ANK3: variants seen among roughly 807,000 people sequenced by gnomAD.
ANK3 encodes ankyrin 3.
In ANK3, 57 loss-of-function variants were observed where a neutral mutation model predicts 370.9. The observed-to-expected ratio is 0.15, with a 90% CI of 0.12 to 0.19. The LOEUF (loss-of-function observed/expected upper bound fraction) is 0.19. Among genes scored for constraint, ANK3 ranks in the 10% least tolerant of loss-of-function variants. The pLI is 1.00. For synonymous variants in ANK3, 1,929 were observed against 1,946.3 expected, an observed-to-expected ratio of 0.99 and a Z score of 0.23; for missense variants, 4,439 against 5,302.1, an observed-to-expected ratio of 0.84 and a Z score of 5.06.
upstream of ANK3, among the ~76,000 whole-genome samples, chr10:60,392,207 C>T (rs1204106670): frequency 6.6e-6 from 1 of 152,136 alleles, no homozygotes; most frequent in East Asian, 1.9e-4. Flanking sequence ...AGTTTCCCCC[C>T]AAAACTGAAT....
intron 2 of ANK3, among the ~76,000 whole-genome samples, chr10:60,579,173 A>C (rs1046837268): frequency 2.6e-5 from 4 of 151,782 alleles, no homozygotes; most frequent in African/African-American, 9.7e-5. Context: ...AAAAATACAA[A>C]AATTTGCTGG....
chr10:60,309,108 C>A (rs1466358736), intron 1 of ANK3, among the ~76,000 whole-genome samples: 1 of 152,158 alleles, frequency 6.6e-6, no homozygotes, highest in Non-Finnish European at 1.5e-5. Flanking sequence ...AATAATAATG[C>A]CTTCAGGACT....
At chr10:60,707,922 A>C (rs1282475281) in intron 1 of ANK3, among the ~76,000 whole-genome samples, 1 of 152,168 alleles carries the variant, frequency 6.6e-6, no homozygotes, top group African/African-American at 2.4e-5. Context: ...AAAAAAGGGA[A>C]ACAAGGACAC....
intron 2 of ANK3, among the ~76,000 whole-genome samples, chr10:60,422,913 A>G (rs537528170): frequency 4.6e-5 from 7 of 152,214 alleles, no homozygotes; most frequent in African/African-American, 1.7e-4. Flanking sequence ...ACATGTTACC[A>G]AATCGGAATA....
At chr10:60,084,571 T>A in intron 32 of ANK3, 31 bp downstream of exon 32, 2 of 1,570,220 alleles carry the variant, frequency 1.3e-6, no homozygotes, top group South Asian at 2.2e-5. Context: ...GAGTACGTAA[T>A]GAAATGAACT....
At chr10:60,667,043 C>T (rs1171224887) in intron 1 of ANK3, among the ~76,000 whole-genome samples, 4 of 151,646 alleles carry the variant, frequency 2.6e-5, no homozygotes, top group Non-Finnish European at 5.9e-5. Flanking sequence ...AGGGAGTATA[C>T]TTACACTACT....
rs552405698 is a variant in ANK3 at position 60,727,561 on chromosome 10, T to C, written c.57+5702A>G. Reference sequence around the variant, plus strand: ...AGTGAGTTTTATTGTATGTGAATTATACCTCAATAAAGGTGATAATTAGAC... The same window carrying C: ...AGTGAGTTTTATTGTATGTGAATTACACCTCAATAAAGGTGATAATTAGAC... On this transcript the variant is annotated intron_variant, in intron 1 of 43. Transcript: ENST00000373827. 7.2e-5 allele frequency among the ~76,000 whole-genome samples: 11 copies of C among 152,316 alleles called. No homozygotes were observed. The South Asian group carries it at 2.3e-3, about 32-fold the overall frequency.
chr10:60,181,298 C>T (rs367613326), intron 18 of ANK3, 31 bp downstream of exon 18: 1 of 1,593,346 alleles, frequency 6.3e-7, no homozygotes, highest in South Asian at 1.1e-5. Context: ...TGGACACATT[C>T]TTTTCCGTGT....
At chr10:60,040,034 C>T (rs2075815272) in intron 43 of ANK3, among the ~76,000 whole-genome samples, 1 of 152,134 alleles carries the variant, frequency 6.6e-6, no homozygotes, top group Admixed American at 6.6e-5. Flanking sequence ...TGCCTTAAGG[C>T]TTGTTGGAAG....
chr10:60,295,971 G>C (rs1009564518), intron 1 of ANK3, among the ~76,000 whole-genome samples: 1 of 152,148 alleles, frequency 6.6e-6, no homozygotes, highest in Non-Finnish European at 1.5e-5. Flanking sequence ...GGGTACTCTA[G>C]AAGGGTCTCA....
intron 24 of ANK3, among the ~76,000 whole-genome samples, chr10:60,135,508 C>T (rs1204810929): frequency 3.3e-5 from 5 of 152,216 alleles, no homozygotes; most frequent in Non-Finnish European, 5.9e-5. Context: ...CCCTTTTGTT[C>T]TGGTGTCCTT....
chr10:60,164,588 T>C (rs1372588989), intron 23 of ANK3, among the ~76,000 whole-genome samples: 1 of 151,924 alleles, frequency 6.6e-6, no homozygotes, highest in Non-Finnish European at 1.5e-5. Flanking sequence ...AAATACTACA[T>C]AGAATGTAGT....
intron 29 of ANK3, among the ~76,000 whole-genome samples, 170 bp from the exon 30 acceptor site, chr10:60,087,054 A>G (rs115197768): frequency 0.014 from 2,098 of 151,644 alleles, 39 homozygotes; most frequent in African/African-American, 0.045. Flanking sequence ...GAAAGCATGA[A>G]TAAACGAAAC....
At chr10:60,531,659 A>C (rs1370739114) in intron 2 of ANK3, among the ~76,000 whole-genome samples, 1 of 152,154 alleles carries the variant, frequency 6.6e-6, no homozygotes, top group Admixed American at 6.6e-5. Flanking sequence ...TTCAAAAAAT[A>C]AGGAAAATAA....
intron 1 of ANK3, among the ~76,000 whole-genome samples, chr10:60,324,063 A>C (rs989306187): frequency 2.3e-4 from 35 of 152,222 alleles, no homozygotes; most frequent in African/African-American, 8.2e-4. Context: ...AGGGACACAG[A>C]AAAAGAGGTA....
At chr10:60,223,984 C>A (rs1484643520) in intron 8 of ANK3, among the ~76,000 whole-genome samples, 1 of 151,972 alleles carries the variant, frequency 6.6e-6, no homozygotes, top group Non-Finnish European at 1.5e-5. Context: ...TACTTGCCTC[C>A]AACCCCTAGA....
chr10:60,639,963 A>G (rs1220721516), intron 1 of ANK3, among the ~76,000 whole-genome samples: 2 of 152,102 alleles, frequency 1.3e-5, no homozygotes, highest in Non-Finnish European at 2.9e-5. Flanking sequence ...CTTCTATGAG[A>G]AATCTGCTTG....
At chr10:60,394,611 C>A (rs1042873750), upstream of ANK3, among the ~76,000 whole-genome samples, 3 of 152,172 alleles carry the variant, frequency 2.0e-5, no homozygotes, top group Admixed American at 2.0e-4. Flanking sequence ...CTCCATCACA[C>A]CCACACTGGC....
At chr10:60,507,117 T>A (rs1467764519) in intron 2 of ANK3, among the ~76,000 whole-genome samples, 1 of 152,106 alleles carries the variant, frequency 6.6e-6, no homozygotes, top group African/African-American at 2.4e-5. Context: ...TATATACATA[T>A]ATGGAAACAT....
Sources: allele counts gnomAD v4.1 joint callset (sites outside exome capture counted in the v4.1 genomes callset), GRCh38; gene constraint gnomAD v4.1.1; transcripts MANE v1.5; gene names NCBI Gene and HGNC (gene_info 2026-07-23, HGNC 2026-07-21).